Variants in CNTNAP5 observed in about 807,000 individuals in gnomAD.
The protein encoded by CNTNAP5 is contactin-associated protein-like 5.
Under a neutral mutation model 150.2 loss-of-function variants are expected in CNTNAP5, and 72 were observed. The ratio of observed to expected loss-of-function variants is 0.48; its 90% CI spans 0.40 to 0.58. The LOEUF is 0.58. Among genes scored for constraint, CNTNAP5 ranks in the 20% least tolerant of loss-of-function variants. The pLI is 0.00. For missense variants in CNTNAP5, 1,636 were observed against 1,626.2 expected, an observed-to-expected ratio of 1.01 and a Z score of -0.10; for synonymous variants, 672 against 619.8, an observed-to-expected ratio of 1.08 and a Z score of -1.25.
intron 11 of CNTNAP5, among the ~76,000 whole-genome samples, chr2:124,589,487 G>C (rs530162960): frequency 6.6e-6 from 1 of 152,210 alleles, no homozygotes; most frequent in South Asian, 2.1e-4. Flanking sequence ...ACATGCATAT[G>C]TCAGCTTTTA....
At chr2:124,068,663 C>T (rs749372680) in intron 1 of CNTNAP5, among the ~76,000 whole-genome samples, 6 of 151,800 alleles carry the variant, frequency 4.0e-5, no homozygotes, top group African/African-American at 1.5e-4. Context: ...TCCTTCAACA[C>T]CAGGTAGCAC....
intron 12 of CNTNAP5, among the ~76,000 whole-genome samples, chr2:124,647,100 C>A (rs1013348149): frequency 2.6e-5 from 4 of 152,246 alleles, no homozygotes; most frequent in Admixed American, 6.5e-5. Flanking sequence ...CACTGCCTTA[C>A]CTTCTTTCGC....
At chr2:124,844,963 C>T (rs559733704) in intron 19 of CNTNAP5, among the ~76,000 whole-genome samples, 1 of 152,092 alleles carries the variant, frequency 6.6e-6, no homozygotes, top group South Asian at 2.1e-4. Context: ...TTTGGATGCC[C>T]TTTATTTCTT....
At chr2:124,663,497 T>C (rs1294763106) in intron 13 of CNTNAP5, among the ~76,000 whole-genome samples, 1 of 152,206 alleles carries the variant, frequency 6.6e-6, no homozygotes, top group Non-Finnish European at 1.5e-5. Flanking sequence ...AATTTATCTG[T>C]ATATTCAGCA....
intron 1 of CNTNAP5, among the ~76,000 whole-genome samples, chr2:124,113,167 C>T (rs553312774): frequency 6.6e-6 from 1 of 152,084 alleles, no homozygotes; most frequent in Non-Finnish European, 1.5e-5. Context: ...CCCTCTGAAT[C>T]ACATGCACAT....
intron 19 of CNTNAP5, among the ~76,000 whole-genome samples, chr2:124,805,174 C>T (rs1251912013): frequency 6.6e-6 from 1 of 152,066 alleles, no homozygotes; most frequent in Non-Finnish European, 1.5e-5. Flanking sequence ...CTCTTGAAAA[C>T]CGGCTGTCTC....
chr2:124,038,168 C>T (rs1175385126), intron 1 of CNTNAP5, among the ~76,000 whole-genome samples: 3 of 152,152 alleles, frequency 2.0e-5, no homozygotes, highest in Non-Finnish European at 4.4e-5. Context: ...GTGATGGGAC[C>T]CTGTCCGACT....
chr2:124,479,584 T>C (rs904288399), intron 7 of CNTNAP5, among the ~76,000 whole-genome samples: 1 of 152,204 alleles, frequency 6.6e-6, no homozygotes, highest in Non-Finnish European at 1.5e-5. Flanking sequence ...AATTCATTTC[T>C]GTACCTTTGT....
At chr2:124,897,062 T>C (rs1678321392) in intron 21 of CNTNAP5, among the ~76,000 whole-genome samples, 1 of 151,608 alleles carries the variant, frequency 6.6e-6, no homozygotes, top group Non-Finnish European at 1.5e-5. Context: ...AGCAATCTTT[T>C]TTAAATCAGT....
At chr2:124,326,972 CTTTTTTTTTTTTTT>C (rs1192969997) in intron 3 of CNTNAP5, among the ~76,000 whole-genome samples, 5 of 68,514 alleles carry the variant, frequency 7.3e-5, no homozygotes, top group East Asian at 5.8e-4. Flanking sequence ...TAGATCCTGA[CTTTTTTTTTTTTTT>C]TTTTTTTTTT....
intron 6 of CNTNAP5, among the ~76,000 whole-genome samples, chr2:124,453,790 T>A (rs1693047051): frequency 1.3e-5 from 2 of 152,056 alleles, no homozygotes; most frequent in African/African-American, 4.8e-5. Flanking sequence ...CTAAGCTTCA[T>A]AAATGAAGGA....
At chr2:124,821,726 T>A (rs1682496023) in intron 19 of CNTNAP5, among the ~76,000 whole-genome samples, 1 of 152,164 alleles carries the variant, frequency 6.6e-6, no homozygotes. Flanking sequence ...GCTCTCCAAG[T>A]GTGATCCCTG....
At chr2:124,878,519 T>A (rs1030786759) in intron 21 of CNTNAP5, among the ~76,000 whole-genome samples, 1 of 152,000 alleles carries the variant, frequency 6.6e-6, no homozygotes, top group Non-Finnish European at 1.5e-5. Flanking sequence ...GGACTCTAAT[T>A]GCCTTCCAGC....
intron 1 of CNTNAP5, among the ~76,000 whole-genome samples, chr2:124,098,658 A>G (rs1024502407): frequency 1.3e-5 from 2 of 152,188 alleles, no homozygotes; most frequent in African/African-American, 2.4e-5. Flanking sequence ...AACTAGTGTT[A>G]GATTTGGGTT....
chr2:124,638,694 T>A (rs1379643004), intron 12 of CNTNAP5, among the ~76,000 whole-genome samples: 1 of 152,220 alleles, frequency 6.6e-6, no homozygotes, highest in African/African-American at 2.4e-5. Flanking sequence ...CCAACTTTTT[T>A]AGATAACTAT....
At chr2:124,567,441 A>G (rs1189098094) in intron 11 of CNTNAP5, among the ~76,000 whole-genome samples, 1 of 152,210 alleles carries the variant, frequency 6.6e-6, no homozygotes, top group Non-Finnish European at 1.5e-5. Context: ...TTTCTGTCCA[A>G]TCTGTGGCAG....
intron 4 of CNTNAP5, among the ~76,000 whole-genome samples, chr2:124,421,043 C>T (rs1692091851): frequency 6.6e-6 from 1 of 152,120 alleles, no homozygotes; most frequent in Non-Finnish European, 1.5e-5. Context: ...TTTTTAAAAC[C>T]TCGTTTTTCC....
intron 12 of CNTNAP5, among the ~76,000 whole-genome samples, chr2:124,627,127 C>G (rs1233594076): frequency 6.6e-6 from 1 of 152,180 alleles, no homozygotes; most frequent in Admixed American, 6.5e-5. Flanking sequence ...GCCGTCATCT[C>G]AGGTTCAGCA....
At chr2:124,097,264 G>A (rs1330442667) in intron 1 of CNTNAP5, among the ~76,000 whole-genome samples, 1 of 152,076 alleles carries the variant, frequency 6.6e-6, no homozygotes, top group Non-Finnish European at 1.5e-5. Flanking sequence ...GCTTTGGATG[G>A]GATCCTGACA....
Sources: allele counts gnomAD v4.1 joint callset (sites outside exome capture counted in the v4.1 genomes callset), GRCh38; gene constraint gnomAD v4.1.1; transcripts MANE v1.5; gene names NCBI Gene and HGNC (gene_info 2026-07-23, HGNC 2026-07-21).